Variants in RELL1 observed in about 807,000 individuals in gnomAD.
The protein encoded by RELL1 is RELT like 1, also known as RELT-like protein 1.
RELL1 carries 10 observed loss-of-function variants against 23.0 expected under a neutral mutation model. The observed-to-expected ratio is 0.43, with a 90% confidence interval of 0.27 to 0.74. RELL1 has a LOEUF of 0.74. Ranked by LOEUF, RELL1 falls within the 30% of genes least tolerant of loss-of-function variation. The pLI, the probability that RELL1 is intolerant of heterozygous loss-of-function variation, is 0.19. For synonymous variants in RELL1, 146 were observed against 146.8 expected (o/e 0.99, Z 0.04); for missense variants, 315 against 364.4 (o/e 0.86, Z 1.10).
intron 6 of RELL1, chr4:37,591,701 A>T (rs1452757829): frequency 6.6e-6 from 1 of 152,236 alleles, no homozygotes; most frequent in African/African-American, 2.4e-5. Context: ...GAGGCTGGCC[A>T]AAATAAGTCT....
intron 1 of RELL1, among the ~76,000 whole-genome samples, chr4:37,675,526 T>C (rs113037181): frequency 1.3e-4 from 20 of 152,230 alleles, no homozygotes; most frequent in Non-Finnish European, 2.5e-4. Flanking sequence ...ACATTTCATA[T>C]GCTCAGCTGC....
At chr4:37,587,052 C>T (rs1718373930), downstream of RELL1, among the ~76,000 whole-genome samples, 1 of 152,166 alleles carries the variant, frequency 6.6e-6, no homozygotes, top group African/African-American at 2.4e-5. Flanking sequence ...ACACTCTTTC[C>T]AGAGGCTCCA....
rs1384004001 is a variant in RELL1 at position 37,611,600 on chromosome 4, C to T, written c.*1746G>A. ...GAAGTGCTCAAGGCACCCCCCAACA[C>T]TGACATGGAGGCGGGTCTTGGAGAC... On this transcript the variant is annotated 3_prime_UTR_variant, in exon 7 of 7. Coordinates refer to ENST00000454158, the MANE Select transcript of RELL1 (RefSeq NM_001085400.2). Among the ~76,000 whole-genome samples the T allele has an allele frequency of 6.6e-6, 1 of 152,140 alleles. No homozygotes were observed. Among genetic ancestry groups the T allele is most frequent in the East Asian group, 1.9e-4 (1 of 5,194 alleles).
chr4:37,636,322 G>C (rs1179275195), intron 4 of RELL1, among the ~76,000 whole-genome samples: 1 of 152,160 alleles, frequency 6.6e-6, no homozygotes, highest in Non-Finnish European at 1.5e-5. Context: ...ATGGCCAGGC[G>C]TGGTGGCTCA....
chr4:37,590,388 G>C, downstream of RELL1: 2 of 1,613,884 alleles, frequency 1.2e-6, no homozygotes, highest in Non-Finnish European at 1.7e-6. Context: ...AGCCCACTGG[G>C]AATTCCAGCC....
chr4:37,635,616 A>T (rs1014190249), intron 4 of RELL1, among the ~76,000 whole-genome samples: 1 of 152,130 alleles, frequency 6.6e-6, no homozygotes, highest in African/African-American at 2.4e-5. Context: ...ACAGAGTGAG[A>T]CCTGTCTCTA....
intron 1 of RELL1, among the ~76,000 whole-genome samples, chr4:37,672,694 T>C (rs1460024953): frequency 7.5e-6 from 1 of 133,768 alleles, no homozygotes; most frequent in Non-Finnish European, 1.5e-5. Context: ...TATGTAGGCA[T>C]TGGATGTATA....
chr4:37,677,914 G>A (rs1722070921), intron 1 of RELL1, among the ~76,000 whole-genome samples: 1 of 152,028 alleles, frequency 6.6e-6, no homozygotes, highest in Non-Finnish European at 1.5e-5. Flanking sequence ...AGAGGTTGCA[G>A]TGAGCCGAGA....
rs906240275 is a variant in RELL1 at position 37,638,589 on chromosome 4, T to C, written c.386-85A>G. 2.1e-5 allele frequency: 22 copies of C among 1,028,462 alleles called. No individual in the cohort carries two copies. In the Admixed American group the frequency reaches 3.5e-4, roughly 16 times the overall value. 63.7% of individuals were successfully genotyped at this position (1,028,462 alleles called of 1,614,324 possible). On this transcript the variant is annotated intron_variant, in intron 3 of 6. Coordinates refer to ENST00000454158, the MANE Select transcript of RELL1 (RefSeq NM_001085400.2). ...TCAGAAAAGCTGTTGAAAACACATC[T>C]AATTCCATTCTTTCAGTTCATAGAT...
chr4:37,665,062 C>T lies in RELL1; in HGVS notation c.89-15562G>A, dbSNP rs777535523. 72 of 355,306 alleles carry T rather than the reference C, an allele frequency of 2.0e-4. 3 individuals carry two copies. Among genetic ancestry groups the T allele is most frequent in the South Asian group, 9.2e-4 (43 of 46,910 alleles). 22.0% of individuals were successfully genotyped at this position (355,306 alleles called of 1,614,324 possible). On this transcript the variant is annotated intron_variant, in intron 1 of 6. Coordinates refer to ENST00000454158, the MANE Select transcript of RELL1 (RefSeq NM_001085400.2). ...GTAGGAGTGCCTGAAACATCTGCTGCAGCAATGTTATATGTGAAAGCAAAT... is the reference window on the plus strand; with the variant it reads ...GTAGGAGTGCCTGAAACATCTGCTGTAGCAATGTTATATGTGAAAGCAAAT...
At chr4:37,629,902 G>C (rs112621710) in intron 6 of RELL1, among the ~76,000 whole-genome samples, 2 of 152,136 alleles carry the variant, frequency 1.3e-5, no homozygotes, top group Non-Finnish European at 2.9e-5. Flanking sequence ...CATTTCCCAC[G>C]TGCCAGGCCC....
chr4:37,662,033 C>A (rs1226559273), intron 1 of RELL1, among the ~76,000 whole-genome samples: 1 of 152,134 alleles, frequency 6.6e-6, no homozygotes, highest in South Asian at 2.1e-4. Flanking sequence ...CAGCTGCATA[C>A]AGTCCCTCAA....
intron 1 of RELL1, among the ~76,000 whole-genome samples, chr4:37,673,311 T>A (rs1287107548): frequency 6.9e-6 from 1 of 145,600 alleles, no homozygotes; most frequent in African/African-American, 2.5e-5. Flanking sequence ...TGCCTCAACC[T>A]CCTGAGTAGC....
At chr4:37,677,339 T>C (rs539148475) in intron 1 of RELL1, among the ~76,000 whole-genome samples, 2 of 152,348 alleles carry the variant, frequency 1.3e-5, no homozygotes, top group Non-Finnish European at 2.9e-5. Context: ...CAGCTCAGTT[T>C]CTGCATCTGC....
chr4:37,644,887 C>T (rs771143806), intron 3 of RELL1, among the ~76,000 whole-genome samples: 1 of 152,166 alleles, frequency 6.6e-6, no homozygotes, highest in African/African-American at 2.4e-5. Flanking sequence ...AGAGGTACTA[C>T]AGTAAGTGGT....
chr4:37,640,754 T>C (rs1419789408), intron 3 of RELL1, among the ~76,000 whole-genome samples: 1 of 152,212 alleles, frequency 6.6e-6, no homozygotes, highest in Non-Finnish European at 1.5e-5. Context: ...TCCATTTTTT[T>C]TTTCTAATTT....
intron 1 of RELL1, among the ~76,000 whole-genome samples, chr4:37,660,855 C>G (rs934771481): frequency 4.6e-5 from 7 of 152,062 alleles, no homozygotes; most frequent in South Asian, 2.1e-4. Flanking sequence ...CACGGTGAAA[C>G]CCCGTCTCTA....
chr4:37,612,308 G>A lies in RELL1; in HGVS notation c.*1038C>T, dbSNP rs17495047. On this transcript the variant is annotated 3_prime_UTR_variant, in exon 7 of 7. Coordinates refer to ENST00000454158, the MANE Select transcript of RELL1 (RefSeq NM_001085400.2). ...TTATTCAATGGATTAACCAAGAATC[G>A]CTCAGCTAAAGGTTAAAAAAAAAAA... 0.3 allele frequency among the ~76,000 whole-genome samples: 41,941 copies of A among 139,832 alleles called. 7,723 individuals are homozygous for A. Among genetic ancestry groups the A allele is most frequent in the Middle Eastern group, 0.42 (109 of 262 alleles). The allele number at this position is 139,832 out of a possible 152,430, so 91.7% of individuals were successfully genotyped here. A position where few individuals can be genotyped will look rare whatever the true frequency, so the allele number is the denominator to read the frequency against.
intron 6 of RELL1, among the ~76,000 whole-genome samples, chr4:37,593,360 G>T (rs147870930): frequency 6.6e-6 from 1 of 151,814 alleles, no homozygotes; most frequent in South Asian, 2.1e-4. Context: ...AATGACCCAC[G>T]TATCAATGAC....
Sources: gnomAD v4.1 joint callset for allele counts (sites outside exome capture counted in the v4.1 genomes callset) on GRCh38, gnomAD v4.1.1 for gene constraint, MANE v1.5 for transcripts, NCBI Gene and HGNC (gene_info 2026-07-23, HGNC 2026-07-21) for gene names.